The following HDAC9 variants were observed in gnomAD, a reference collection of about 807,000 sequenced individuals.
HDAC9 encodes the protein histone deacetylase 9, also known as MEF-2 interacting transcription repressor (MITR) protein.
In HDAC9, 41 loss-of-function variants were observed where a neutral mutation model predicts 139.4. That is an observed-to-expected ratio of 0.29 (90% CI 0.23 to 0.38). The LOEUF is 0.38. Among genes scored for constraint, HDAC9 ranks in the 10% least tolerant of loss-of-function variants. The pLI is 1.00. For missense variants in HDAC9, 1,147 were observed against 1,297.0 expected (o/e 0.88, Z 1.78); for synonymous variants, 517 against 476.2 (o/e 1.09, Z -1.12).
At chr7:18,942,106 C>G (rs1206753487) in intron 23 of HDAC9, among the ~76,000 whole-genome samples, 5 of 152,014 alleles carry the variant, frequency 3.3e-5, no homozygotes, top group Admixed American at 2.0e-4. Context: ...TCTGACCATT[C>G]ATTAGTCTTT....
intron 17 of HDAC9, among the ~76,000 whole-genome samples, chr7:18,795,251 A>G (rs1792682247): frequency 7.8e-6 from 1 of 128,002 alleles, no homozygotes; most frequent in African/African-American, 2.9e-5. Flanking sequence ...AAAGAAAAGA[A>G]AACAGTAAAA....
chr7:18,843,975 G>A (rs977165259), intron 21 of HDAC9, among the ~76,000 whole-genome samples: 1 of 152,026 alleles, frequency 6.6e-6, no homozygotes, highest in African/African-American at 2.4e-5. Context: ...TTTTCTGATG[G>A]GCAGGACTTT....
intron 17 of HDAC9, among the ~76,000 whole-genome samples, chr7:18,822,844 ATAT>A (rs1402891942): frequency 3.3e-5 from 5 of 152,332 alleles, no homozygotes; most frequent in East Asian, 3.9e-4. Flanking sequence ...GGGGATAATA[ATAT>A]TATCTGCCTA....
At chr7:18,673,302 G>A (rs1477194030) in intron 12 of HDAC9, among the ~76,000 whole-genome samples, 1 of 151,942 alleles carries the variant, frequency 6.6e-6, no homozygotes, top group Non-Finnish European at 1.5e-5. Flanking sequence ...TCGAACTAAT[G>A]TTCATGTCTT....
At chr7:18,905,815 T>C (rs1802184345) in intron 22 of HDAC9, among the ~76,000 whole-genome samples, 1 of 152,206 alleles carries the variant, frequency 6.6e-6, no homozygotes, top group African/African-American at 2.4e-5. Flanking sequence ...TCCTTCTCCC[T>C]CATCAAGTTT....
At chr7:18,422,465 G>C (rs147834769) in intron 1 of HDAC9, among the ~76,000 whole-genome samples, 112 of 152,182 alleles carry the variant, frequency 7.4e-4, no homozygotes, top group African/African-American at 2.4e-3. Flanking sequence ...ATACTTATAC[G>C]CATGCAGAAA....
At chr7:18,322,294 A>G (rs1347422251) in intron 1 of HDAC9, among the ~76,000 whole-genome samples, 1 of 152,168 alleles carries the variant, frequency 6.6e-6, no homozygotes, top group East Asian at 1.9e-4. Flanking sequence ...CATAATCACA[A>G]ACTTTGGGCA....
intron 1 of HDAC9, among the ~76,000 whole-genome samples, chr7:18,476,881 T>C (rs538910119): frequency 6.6e-6 from 1 of 152,234 alleles, no homozygotes; most frequent in Non-Finnish European, 1.5e-5. Flanking sequence ...ACCCTTTCTA[T>C]TGTTTGCAAA....
At chr7:18,682,679 T>A (rs1224245527) in intron 12 of HDAC9, among the ~76,000 whole-genome samples, 1 of 151,922 alleles carries the variant, frequency 6.6e-6, no homozygotes, top group Non-Finnish European at 1.5e-5. Context: ...AGACTAAAGG[T>A]TGAAATCAAA....
At chr7:18,355,636 C>T (rs1399803446) in intron 1 of HDAC9, among the ~76,000 whole-genome samples, 2 of 152,104 alleles carry the variant, frequency 1.3e-5, no homozygotes, top group African/African-American at 4.8e-5. Flanking sequence ...TTTAACATCA[C>T]CCTCAAATCT....
intron 1 of HDAC9, among the ~76,000 whole-genome samples, chr7:18,114,993 T>G (rs1239250612): frequency 1.3e-5 from 2 of 152,252 alleles, no homozygotes; most frequent in Non-Finnish European, 2.9e-5. Flanking sequence ...ATAAGTATAT[T>G]TCTAAAAAAT....
At chr7:18,460,928 A>G (rs1793789195) in intron 1 of HDAC9, among the ~76,000 whole-genome samples, 3 of 152,154 alleles carry the variant, frequency 2.0e-5, no homozygotes, top group South Asian at 4.1e-4. Flanking sequence ...TGTGACTAAC[A>G]TTTTGCAACT....
At chr7:18,224,901 T>A (rs1368134952) in intron 2 of HDAC9, among the ~76,000 whole-genome samples, 1 of 151,896 alleles carries the variant, frequency 6.6e-6, no homozygotes, top group Non-Finnish European at 1.5e-5. Context: ...CAAAAAAAGC[T>A]GCAGAGGAAG....
intron 1 of HDAC9, among the ~76,000 whole-genome samples, chr7:18,452,800 G>C (rs78956017): frequency 0.011 from 1,730 of 152,126 alleles, 32 homozygotes; most frequent in African/African-American, 0.039. Flanking sequence ...CTTCCTTCAC[G>C]TGTCACTGTG....
chr7:18,563,707 T>TA (rs1821332600), intron 2 of HDAC9, among the ~76,000 whole-genome samples: 1 of 149,830 alleles, frequency 6.7e-6, no homozygotes, highest in Non-Finnish European at 1.5e-5. Context: ...TTGCCATCAA[T>TA]TCCCTCAGAA....
In HDAC9 at chr7:18,594,026, A is replaced by G. The variant is rs1334030850; in HGVS notation, c.661A>G (p.Thr221Ala). The G allele has an allele frequency of 6.8e-6, 11 of 1,612,196 alleles. No homozygotes were observed. The highest frequency in any genetic ancestry group is 9.3e-6 in the Non-Finnish European group (11 of 1,178,824). The change falls in exon 6 of 26, where the codon ACT becomes GCT. Residue 221 changes from threonine (T) to alanine (A), a missense_variant. Physicochemically the swap from Thr to Ala is moderately conservative, Grantham distance 58. Transcript: ENST00000686413. ...AAAGGATGATTTCCCCCTTCGAAAA[A>G]CTGGTAAGTTGGTTTAACAGGAACT... ...DAKDDFPLRK[T>A]ASEPNLKVRS...
intron 17 of HDAC9, among the ~76,000 whole-genome samples, chr7:18,821,149 A>C (rs937567397): frequency 2.0e-5 from 3 of 152,242 alleles, no homozygotes; most frequent in African/African-American, 7.2e-5. Context: ...CAAAGGCTGC[A>C]AGAAGCCTAT....
intron 1 of HDAC9, among the ~76,000 whole-genome samples, chr7:18,102,243 C>A (rs540831063): frequency 6.6e-6 from 1 of 152,034 alleles, no homozygotes; most frequent in African/African-American, 2.4e-5. Flanking sequence ...TTAAAAGAAT[C>A]CTTGAGGTGG....
chr7:18,845,905 T>C (rs1487994501), intron 21 of HDAC9, among the ~76,000 whole-genome samples: 2 of 152,140 alleles, frequency 1.3e-5, no homozygotes, highest in East Asian at 1.9e-4. Flanking sequence ...AGGAGTTTGC[T>C]TGGAGTCACG....
Sources: gnomAD v4.1 joint callset for allele counts (sites outside exome capture counted in the v4.1 genomes callset) on GRCh38, gnomAD v4.1.1 for gene constraint, MANE v1.5 for transcripts, NCBI Gene and HGNC (gene_info 2026-07-23, HGNC 2026-07-21) for gene names.